The following MINK1 variants were observed in gnomAD, a reference collection of about 807,000 sequenced individuals.
The protein encoded by MINK1 is misshapen like kinase 1.
In MINK1, 46 loss-of-function variants were observed where a neutral mutation model predicts 178.4. The ratio of observed to expected loss-of-function variants is 0.26; its 90% CI spans 0.20 to 0.33. The LOEUF is 0.33. Ranked by LOEUF, MINK1 falls within the 10% of genes least tolerant of loss-of-function variation. The pLI is 1.00. For missense variants in MINK1, 1,366 were observed against 1,814.9 expected (o/e 0.75, Z 4.49); for synonymous variants, 797 against 709.7 (o/e 1.12, Z -1.96).
chr17:4,888,614 G>C (rs1364049739), intron 12 of MINK1, among the ~76,000 whole-genome samples: 1 of 151,262 alleles, frequency 6.6e-6, no homozygotes, highest in South Asian at 2.1e-4. Flanking sequence ...CTGGGGAACA[G>C]AGCAAGACTC....
rs1326612863 is a variant in MINK1, at chr17:4,887,743, CAGCGGCGCATAGAGGAGCAGAAGGAGG to C, written c.1192_1218del (p.Ile398_Arg406del). 1.3e-6 allele frequency: 2 copies of C among 1,549,770 alleles called. No individual in the cohort carries two copies. The highest frequency in any genetic ancestry group is 1.7e-6 in the Non-Finnish European group (2 of 1,147,092). On this transcript the variant is annotated inframe_deletion, in exon 12 of 32. Transcript: ENST00000355280. This position sits in a 1 kb window ranked among gnomAD's most constrained non-coding sequence, Gnocchi z 7.6. ...CATCAAACACCTGCTGCACCAGCGG[CAGCGGCGCATAGAGGAGCAGAAGGAGG>C]AGCGGCGCCGCGTGGAGGAGGTGGG...
In MINK1 at chr17:4,836,413, T is replaced by C. The variant is rs1909315070; in HGVS notation, c.57+2773T>C. Among the ~76,000 whole-genome samples, 1 of 152,168 alleles carries C rather than the reference T, an allele frequency of 6.6e-6. No individual in the cohort carries two copies. Among genetic ancestry groups the C allele is most frequent in the Non-Finnish European group, 1.5e-5 (1 of 68,032 alleles). On this transcript the variant is annotated intron_variant, in intron 1 of 31. Transcript: ENST00000355280. The surrounding 1 kb of genome is among the most constrained non-coding windows in gnomAD (Gnocchi z 4.3). ...TAGCCACAGCCACACTTGACCTCTT[T>C]GAGGTTCCTTTTCTCCACCAGCCTG...
In MINK1 at chr17:4,873,317, A is replaced by G. The variant is rs562189302; in HGVS notation, c.58-5000A>G. 1.7e-4 allele frequency among the ~76,000 whole-genome samples: 25 copies of G among 150,738 alleles called. No individual in the cohort carries two copies. The East Asian group carries it at 4.7e-3, about 28-fold the overall frequency. Reference sequence around the variant, plus strand: ...TATCCTTTAACATCCCCAATTCAACATTCAAACCCAGCCTGTTCTCCCACA... The same window carrying G: ...TATCCTTTAACATCCCCAATTCAACGTTCAAACCCAGCCTGTTCTCCCACA... On this transcript the variant is annotated intron_variant, in intron 1 of 31. Transcript: ENST00000355280.
intron 1 of MINK1, among the ~76,000 whole-genome samples, chr17:4,841,761 C>T (rs1910260483): frequency 6.6e-6 from 1 of 152,020 alleles, no homozygotes; most frequent in Admixed American, 6.6e-5. Context: ...CTAAGTATGT[C>T]TGTGACTGGA....
chr17:4,868,125 C>T (rs8073718), intron 1 of MINK1, among the ~76,000 whole-genome samples: 93,307 of 151,484 alleles, frequency 0.62, 30,545 homozygotes, highest in Non-Finnish European at 0.74. Flanking sequence ...TACAGGCATA[C>T]ACCACCACGC....
At position 4,886,721 on chromosome 17, in the gene MINK1, C is replaced by T; in HGVS notation, c.949+95C>T. The T allele has an allele frequency of 1.5e-6, 2 of 1,332,678 alleles. No homozygotes were observed. Among genetic ancestry groups the T allele is most frequent in the South Asian group, 1.5e-5 (1 of 65,038 alleles). The allele number at this position is 1,332,678 out of a possible 1,614,324, so 82.6% of individuals were successfully genotyped here. A position where few individuals can be genotyped will look rare whatever the true frequency, so the allele number is the denominator to read the frequency against. Reference sequence around the variant, plus strand: ...CTCGCTCCTGGCACCCCTTCCTGCTCCCCTCCTTGGCCCCAGCTCTCCCTG... The same window carrying T: ...CTCGCTCCTGGCACCCCTTCCTGCTTCCCTCCTTGGCCCCAGCTCTCCCTG... On this transcript the variant is annotated intron_variant, in intron 10 of 31. Coordinates refer to ENST00000355280, the MANE Select transcript of MINK1 (RefSeq NM_153827.5). This position sits in a 1 kb window ranked among gnomAD's most constrained non-coding sequence, Gnocchi z 6.1.
chr17:4,891,271 A>C (rs896180817), intron 15 of MINK1, 147 bp downstream of exon 15: 2 of 1,158,478 alleles, frequency 1.7e-6, no homozygotes, highest in African/African-American at 3.1e-5. Flanking sequence ...CTTTGTGGAC[A>C]GACTCACTCA....
chr17:4,875,689 T>C (rs1967116870), intron 1 of MINK1: 1 of 306,472 alleles, frequency 3.3e-6, no homozygotes, highest in Admixed American at 4.8e-5. Flanking sequence ...GGAGAATCAT[T>C]TGAACCCAGG....
Position 4,897,601 on chromosome 17 carries a change from C to T in MINK1, c.*314C>T. ...CCATTTGAGAGGAGAGTGCTTGGGGCTTGAACCCCTTACCCCACTGCTGCT... is the reference window on the plus strand; with the variant it reads ...CCATTTGAGAGGAGAGTGCTTGGGGTTTGAACCCCTTACCCCACTGCTGCT... On this transcript the variant is annotated 3_prime_UTR_variant, in exon 32 of 32. Coordinates refer to ENST00000355280, the MANE Select transcript of MINK1 (RefSeq NM_153827.5). 1 of 299,086 alleles carries T rather than the reference C, an allele frequency of 3.3e-6. No homozygotes were observed. The highest frequency in any genetic ancestry group is 6.3e-6 in the Non-Finnish European group (1 of 158,802). The allele number at this position is 299,086 out of a possible 1,614,324, so 18.5% of individuals were successfully genotyped here.
chr17:4,881,112 A>G lies in MINK1; in HGVS notation c.181-20A>G. 6.5e-7 allele frequency: 1 copy of G among 1,537,094 alleles called. No individual in the cohort carries two copies. Among genetic ancestry groups the G allele is most frequent in the Non-Finnish European group, 8.7e-7 (1 of 1,146,842 alleles). On this transcript the variant is annotated intron_variant, in intron 3 of 31. Coordinates refer to ENST00000355280, the MANE Select transcript of MINK1 (RefSeq NM_153827.5). The stretch of plus-strand genomic sequence containing the variant: ...GAGTGTTGGGGGAGTCTCAGGGCTC[A>G]GCTCCTCCCATCTGCTTAGGACGAG...
intron 13 of MINK1, 94 bp from the exon 14 acceptor site, chr17:4,890,420 TCTC>T (rs1455535406): frequency 4.7e-6 from 7 of 1,488,482 alleles, no homozygotes; most frequent in South Asian, 4.0e-5. Context: ...AGGGAATACA[TCTC>T]CTCTCTAGGC....
rs759995957 is a variant in MINK1, at chr17:4,867,138, GT to G, written c.58-11152del. 1.6e-3 allele frequency among the ~76,000 whole-genome samples: 103 copies of G among 64,890 alleles called. 3 individuals are homozygous for G. Among genetic ancestry groups the G allele is most frequent in the South Asian group, 2.8e-3 (4 of 1,416 alleles). 42.6% of individuals were successfully genotyped at this position (64,890 alleles called of 152,430 possible). On this transcript the variant is annotated intron_variant, in intron 1 of 31. Coordinates refer to ENST00000355280, the MANE Select transcript of MINK1 (RefSeq NM_153827.5). ...CACTATAGTAGGTGCTCTTAGGACT[GT>G]TTTTTTTTTTTTTTTTTTTTTTTTT...
intron 1 of MINK1, among the ~76,000 whole-genome samples, chr17:4,848,574 A>AT (rs1352647552): frequency 1.3e-5 from 2 of 152,132 alleles, no homozygotes; most frequent in Admixed American, 6.5e-5. Flanking sequence ...GTTAGCCAGG[A>AT]TGGTCTCCAT....
chr17:4,833,965 G>T lies in MINK1; in HGVS notation c.57+325G>T, dbSNP rs1160180326. Among the ~76,000 whole-genome samples, 2 of 152,162 alleles carry T rather than the reference G, an allele frequency of 1.3e-5. No individual in the cohort carries two copies. On this transcript the variant is annotated intron_variant, in intron 1 of 31. Transcript: ENST00000355280. This position sits in a 1 kb window ranked among gnomAD's most constrained non-coding sequence, Gnocchi z 4.8. ...AACTTAGCCTCCCCCATCACCTGGA[G>T]AACCTTTATTGTGGTTCCTTACCTC...
intron 1 of MINK1, among the ~76,000 whole-genome samples, chr17:4,866,219 G>A (rs1414409344): frequency 6.6e-6 from 1 of 152,138 alleles, no homozygotes; most frequent in Non-Finnish European, 1.5e-5. Flanking sequence ...TGTAATCCCA[G>A]CACTTTGGGA....
intron 1 of MINK1, among the ~76,000 whole-genome samples, chr17:4,876,312 A>C (rs573783378): frequency 3.1e-4 from 47 of 152,270 alleles, no homozygotes; most frequent in African/African-American, 1.1e-3. Context: ...AGGAGGGCTC[A>C]GTCCCTTTCT....
At chr17:4,848,727 C>G (rs1165843454) in intron 1 of MINK1, among the ~76,000 whole-genome samples, 4 of 151,688 alleles carry the variant, frequency 2.6e-5, no homozygotes, top group Admixed American at 2.0e-4. Flanking sequence ...GAGCTCCTGA[C>G]CTCAGGTGAT....
In MINK1 at chr17:4,833,633, C is replaced by A; in HGVS notation, c.50C>A (p.Ala17Asp). 4.7e-6 allele frequency: 7 copies of A among 1,497,488 alleles called. No individual in the cohort carries two copies. Among genetic ancestry groups the A allele is most frequent in the Non-Finnish European group, 6.2e-6 (7 of 1,129,986 alleles). 92.8% of individuals were successfully genotyped at this position (1,497,488 alleles called of 1,614,324 possible). The change falls in exon 1 of 32, where the codon GCC becomes GAC. Residue 17 changes from alanine (A) to aspartate (D), a missense_variant. Transcript: ENST00000355280. The surrounding 1 kb of genome is among the most constrained non-coding windows in gnomAD (Gnocchi z 4.8). ...ARSLDDIDLS[A>D]LRDPAGIFEL... ...AGCCTGGACGACATCGACCTGTCCG[C>A]CCTGCGGGTGAGCGCGCCGTCCCCC...
At chr17:4,870,489 C>G (rs1032893052) in intron 1 of MINK1, among the ~76,000 whole-genome samples, 1 of 151,954 alleles carries the variant, frequency 6.6e-6, no homozygotes, top group Admixed American at 6.6e-5. Flanking sequence ...TTAATAACAG[C>G]TTTATTGAAA....
Sources: gnomAD v4.1 joint callset for allele counts (sites outside exome capture counted in the v4.1 genomes callset) on GRCh38, gnomAD v4.1.1 for gene constraint, Gnocchi (gnomAD v3.1) non-coding constraint, MANE v1.5 for transcripts, NCBI Gene and HGNC (gene_info 2026-07-23, HGNC 2026-07-21) for gene names.